Variants in ASTN2 observed in about 807,000 individuals in gnomAD.
The protein encoded by ASTN2 is astrotactin-2.
Under a neutral mutation model 139.8 loss-of-function variants are expected in ASTN2, and 54 were observed. That is an observed-to-expected ratio of 0.39 (90% CI 0.31 to 0.48). The LOEUF (loss-of-function observed/expected upper bound fraction) is 0.48. ASTN2 is among the 20% of genes least tolerant of loss of function. ASTN2 has a pLI of 0.95. For missense variants in ASTN2, 1,565 were observed against 1,725.1 expected (o/e 0.91, Z 1.64); for synonymous variants, 756 against 719.5 (o/e 1.05, Z -0.81).
chr9:116,995,788 A>G (rs1293449433), intron 7 of ASTN2, among the ~76,000 whole-genome samples: 1 of 152,136 alleles, frequency 6.6e-6, no homozygotes, highest in Non-Finnish European at 1.5e-5. Flanking sequence ...ACACTATTTC[A>G]TTACATTAAT....
At chr9:117,396,404 C>A (rs1336508068) in intron 1 of ASTN2, among the ~76,000 whole-genome samples, 1 of 152,158 alleles carries the variant, frequency 6.6e-6, no homozygotes, top group Non-Finnish European at 1.5e-5. Flanking sequence ...GACTTTGCCA[C>A]CCGTTAAGTT....
intron 13 of ASTN2, among the ~76,000 whole-genome samples, chr9:116,738,178 C>G (rs1260144234): frequency 1.5e-5 from 2 of 136,720 alleles, no homozygotes; most frequent in Non-Finnish European, 3.1e-5. Context: ...GGCGACAGAG[C>G]GAGACTCCGT....
intron 10 of ASTN2, among the ~76,000 whole-genome samples, chr9:116,927,593 A>G (rs1834790254): frequency 6.6e-6 from 1 of 152,212 alleles, no homozygotes; most frequent in Non-Finnish European, 1.5e-5. Context: ...AATGGATTAT[A>G]GTTACAATAG....
intron 13 of ASTN2, among the ~76,000 whole-genome samples, chr9:116,803,239 G>T (rs974548662): frequency 6.6e-6 from 1 of 150,644 alleles, no homozygotes; most frequent in Non-Finnish European, 1.5e-5. Context: ...AACTAGTATT[G>T]TAGAATCTCA....
At chr9:116,729,207 A>T in intron 14 of ASTN2, 111 bp from the exon 15 acceptor site, 1 of 779,590 alleles carries the variant, frequency 1.3e-6, no homozygotes, top group South Asian at 1.8e-5. Flanking sequence ...TTGAAGTACA[A>T]CTTTCACTGG....
intron 1 of ASTN2, among the ~76,000 whole-genome samples, chr9:117,398,105 T>C (rs572821308): frequency 6.6e-6 from 1 of 152,330 alleles, no homozygotes; most frequent in South Asian, 2.1e-4. Context: ...TGTGCATCTT[T>C]ATGTGTAAAT....
At chr9:116,686,851 T>C (rs1380642788) in intron 16 of ASTN2, 2 of 1,549,382 alleles carry the variant, frequency 1.3e-6, no homozygotes, top group East Asian at 2.4e-5. Flanking sequence ...GCACAGAACA[T>C]GAGGCCAAAG....
At chr9:116,455,940 T>C (rs1219673764) in intron 20 of ASTN2, among the ~76,000 whole-genome samples, 1 of 152,092 alleles carries the variant, frequency 6.6e-6, no homozygotes, top group Non-Finnish European at 1.5e-5. Context: ...AAAAAGCCTT[T>C]CCTTTAAGAT....
At chr9:117,237,245 A>AT (rs527254108) in intron 2 of ASTN2, among the ~76,000 whole-genome samples, 50 of 151,430 alleles carry the variant, frequency 3.3e-4, no homozygotes, top group South Asian at 6.3e-4. Flanking sequence ...ATTATTATCT[A>AT]TTTTTTTTTA....
intron 10 of ASTN2, among the ~76,000 whole-genome samples, chr9:116,956,439 A>G (rs1173932074): frequency 2.0e-5 from 3 of 147,490 alleles, no homozygotes; most frequent in Non-Finnish European, 4.5e-5. Context: ...TTTCATATAT[A>G]TTATATATAA....
At chr9:117,185,723 T>C (rs766820892) in intron 3 of ASTN2, among the ~76,000 whole-genome samples, 1 of 151,954 alleles carries the variant, frequency 6.6e-6, no homozygotes, top group Non-Finnish European at 1.5e-5. Flanking sequence ...GGAATGGAGA[T>C]GGGCTAGGCA....
intron 6 of ASTN2, among the ~76,000 whole-genome samples, chr9:117,019,668 T>C (rs901282848): frequency 6.6e-6 from 1 of 152,044 alleles, no homozygotes; most frequent in African/African-American, 2.4e-5. Flanking sequence ...ACGTTTCTGG[T>C]ATATGTCGCA....
chr9:116,687,401 G>T, intron 16 of ASTN2: 1 of 210,446 alleles, frequency 4.8e-6, no homozygotes, highest in Non-Finnish European at 8.2e-6. Flanking sequence ...GGGAAGGAGG[G>T]TTGGGGACTG....
intron 16 of ASTN2, among the ~76,000 whole-genome samples, chr9:116,680,370 T>C (rs1382542049): frequency 1.3e-5 from 2 of 152,144 alleles, no homozygotes; most frequent in South Asian, 2.1e-4. Context: ...TCTGAAATTG[T>C]GGCAATAATC....
intron 10 of ASTN2, among the ~76,000 whole-genome samples, chr9:116,958,172 A>C (rs1334757519): frequency 6.6e-6 from 1 of 152,186 alleles, no homozygotes; most frequent in African/African-American, 2.4e-5. Context: ...AGATACTTTG[A>C]GGCTATGTGA....
intron 10 of ASTN2, among the ~76,000 whole-genome samples, chr9:116,940,954 T>G (rs770200594): frequency 6.6e-6 from 1 of 152,200 alleles, no homozygotes; most frequent in Non-Finnish European, 1.5e-5. Flanking sequence ...ACCATTGTGT[T>G]AAGTTGCCTA....
intron 2 of ASTN2, among the ~76,000 whole-genome samples, chr9:117,238,151 G>A (rs1471238790): frequency 6.6e-6 from 1 of 152,188 alleles, no homozygotes; most frequent in Non-Finnish European, 1.5e-5. Flanking sequence ...TGGCGGGAAG[G>A]AAGGAAGGGC....
intron 10 of ASTN2, among the ~76,000 whole-genome samples, chr9:116,962,302 A>G (rs1027691341): frequency 2.0e-5 from 3 of 152,260 alleles, no homozygotes; most frequent in African/African-American, 7.2e-5. Flanking sequence ...CAGGGAAATT[A>G]AACAGGGAGC....
intron 1 of ASTN2, among the ~76,000 whole-genome samples, chr9:117,324,556 T>C (rs1828449958): frequency 6.6e-6 from 1 of 152,172 alleles, no homozygotes; most frequent in South Asian, 2.1e-4. Flanking sequence ...GCCCCCATGA[T>C]ACAGTCACCT....
Sources: gnomAD v4.1 joint callset for allele counts (sites outside exome capture counted in the v4.1 genomes callset) on GRCh38, gnomAD v4.1.1 for gene constraint, MANE v1.5 for transcripts, NCBI Gene and HGNC (gene_info 2026-07-23, HGNC 2026-07-21) for gene names.